The following CATSPERT variants were observed in gnomAD, a reference collection of about 807,000 sequenced individuals.
CATSPERT encodes the protein cation channel sperm-associated targeting subunit tau.
At chr2:201,587,045 G>C in the CATSPERT span, among the ~76,000 whole-genome samples, 1 of 151,646 alleles carries the variant, frequency 6.6e-6, no homozygotes, top group African/African-American at 2.4e-5. Context: ...TTGCTGTAGG[G>C]ATTATAATAT....
the CATSPERT span, among the ~76,000 whole-genome samples, chr2:201,541,971 G>C: frequency 6.6e-6 from 1 of 151,834 alleles, no homozygotes; most frequent in Non-Finnish European, 1.5e-5. Flanking sequence ...CTGATGCACT[G>C]CACCCTTGAA....
At chr2:201,554,776 T>C in the CATSPERT span, 1 of 152,232 alleles carries the variant, frequency 6.6e-6, no homozygotes, top group Non-Finnish European at 1.5e-5. Context: ...CCAACTCTAA[T>C]TATTATTCTC....
At chr2:201,546,596 C>A in the CATSPERT span, among the ~76,000 whole-genome samples, 23 of 152,198 alleles carry the variant, frequency 1.5e-4, no homozygotes, top group Admixed American at 8.5e-4. Flanking sequence ...CCACTTCAAA[C>A]CCACTAGGAT....
chr2:201,565,868 C>G, the CATSPERT span: 1 of 1,573,628 alleles, frequency 6.4e-7, no homozygotes, highest in Non-Finnish European at 8.6e-7. Flanking sequence ...GGTGTAATAA[C>G]TTTTCTGCAA....
chr2:201,494,148 A>G, the CATSPERT span: 3 of 1,532,652 alleles, frequency 2.0e-6, no homozygotes, highest in African/African-American at 2.7e-5. Flanking sequence ...AGTTGTTTAA[A>G]TCTTGTTTTT....
chr2:201,525,366 A>C, the CATSPERT span, among the ~76,000 whole-genome samples: 3 of 152,322 alleles, frequency 2.0e-5, no homozygotes, highest in African/African-American at 7.2e-5. Flanking sequence ...CTTTTGGGTA[A>C]ATAATGAAAT....
At chr2:201,497,184 G>T in the CATSPERT span, among the ~76,000 whole-genome samples, 3 of 152,262 alleles carry the variant, frequency 2.0e-5, no homozygotes, top group East Asian at 5.8e-4. Context: ...GTTAATAAAT[G>T]ACCCTATTCT....
At chr2:201,574,331 G>T in the CATSPERT span, 7 of 1,410,262 alleles carry the variant, frequency 5.0e-6, no homozygotes, top group Non-Finnish European at 6.8e-6. Flanking sequence ...TAATGGAGAA[G>T]GGACAAAAAG....
At chr2:201,578,166 G>T in the CATSPERT span, among the ~76,000 whole-genome samples, 1 of 152,042 alleles carries the variant, frequency 6.6e-6, no homozygotes, top group African/African-American at 2.4e-5. Context: ...AAGTAGTAAA[G>T]CTATGAAAAA....
the CATSPERT span, chr2:201,554,482 A>G: frequency 6.6e-6 from 1 of 152,172 alleles, no homozygotes; most frequent in Non-Finnish European, 1.5e-5. Context: ...ACTGCTTACT[A>G]ATTAGTTTCA....
chr2:201,604,820 A>G, the CATSPERT span: 1 of 516,218 alleles, frequency 1.9e-6, no homozygotes, highest in Non-Finnish European at 3.2e-6. Context: ...TTGGGGTATT[A>G]ATATGATTAA....
the CATSPERT span, among the ~76,000 whole-genome samples, chr2:201,566,962 G>T: frequency 4.6e-5 from 7 of 152,164 alleles, no homozygotes; most frequent in South Asian, 2.1e-4. Context: ...GAAAGCTAGT[G>T]TTAGAAAGAT....
At chr2:201,559,996 G>A in the CATSPERT span, among the ~76,000 whole-genome samples, 2 of 152,150 alleles carry the variant, frequency 1.3e-5, no homozygotes, top group African/African-American at 2.4e-5. Flanking sequence ...GAAACTCAGC[G>A]AGATATAAGA....
At chr2:201,500,302 C>A in the CATSPERT span, among the ~76,000 whole-genome samples, 1 of 151,902 alleles carries the variant, frequency 6.6e-6, no homozygotes, top group African/African-American at 2.4e-5. Context: ...ATCACGAGGT[C>A]AGGAGATCGA....
the CATSPERT span, among the ~76,000 whole-genome samples, chr2:201,568,780 C>A: frequency 6.6e-6 from 1 of 152,154 alleles, no homozygotes; most frequent in Admixed American, 6.5e-5. Context: ...AGTTCTATGG[C>A]GTCTTCTTGG....
chr2:201,589,750 A>G, the CATSPERT span, among the ~76,000 whole-genome samples: 1,031 of 152,278 alleles, frequency 6.8e-3, 14 homozygotes, highest in African/African-American at 0.024. Context: ...AAAAGCAAAA[A>G]TTGACAAATG....
chr2:201,618,181 C>G, the CATSPERT span, among the ~76,000 whole-genome samples: 209 of 152,282 alleles, frequency 1.4e-3, no homozygotes, highest in African/African-American at 4.8e-3. Flanking sequence ...ACTAGAAATA[C>G]CATTTGACCC....
the CATSPERT span, among the ~76,000 whole-genome samples, chr2:201,551,241 C>G: frequency 6.6e-6 from 1 of 152,022 alleles, no homozygotes; most frequent in Non-Finnish European, 1.5e-5. Context: ...ATGTACTAGT[C>G]TATTTTATCA....
At chr2:201,488,032 A>G in the CATSPERT span, 2 of 726,108 alleles carry the variant, frequency 2.8e-6, no homozygotes, top group Non-Finnish European at 4.4e-6. Flanking sequence ...AGTTTATAAT[A>G]GCAACAGTTA....
Sources: gnomAD v4.1 joint callset for allele counts (sites outside exome capture counted in the v4.1 genomes callset) on GRCh38, gnomAD v4.1.1 for gene constraint, MANE v1.5 for transcripts, NCBI Gene and HGNC (gene_info 2026-07-23, HGNC 2026-07-21) for gene names.